Variants in TNFAIP8 observed in about 807,000 individuals in gnomAD.
TNFAIP8 encodes tumor necrosis factor alpha-induced protein 8.
A neutral mutation model predicts 13.3 loss-of-function variants in TNFAIP8; 7 were observed. The ratio of observed to expected loss-of-function variants is 0.52; its 90% confidence interval spans 0.30 to 0.99. The LOEUF is 0.99. Ranked by LOEUF, TNFAIP8 falls within the 50% of genes least tolerant of loss-of-function variation. The probability of loss-of-function intolerance (pLI) is 0.07; values close to 1 mark genes in which losing one functional copy is unlikely to be tolerated. For missense variants in TNFAIP8, 258 were observed against 236.9 expected, an observed-to-expected ratio of 1.09 and a Z score of -0.58; for synonymous variants, 94 against 87.6, an observed-to-expected ratio of 1.07 and a Z score of -0.41.
intron 1 of TNFAIP8, among the ~76,000 whole-genome samples, chr5:119,318,220 GTT>G (rs1749954991): frequency 6.7e-6 from 1 of 149,052 alleles, no homozygotes; most frequent in Non-Finnish European, 1.5e-5. Context: ...TTTTTTTTCA[GTT>G]TGTCCCTTTA....
chr5:119,282,749 G>A (rs369874148), intron 1 of TNFAIP8, among the ~76,000 whole-genome samples: 3 of 152,098 alleles, frequency 2.0e-5, no homozygotes, highest in African/African-American at 7.2e-5. Flanking sequence ...TGCATCAGTG[G>A]GTGCCAGGGA....
intron 1 of TNFAIP8, among the ~76,000 whole-genome samples, chr5:119,306,986 T>C (rs1183581872): frequency 1.1e-4 from 16 of 152,268 alleles, no homozygotes; most frequent in Admixed American, 1.0e-3. Flanking sequence ...TACTGTTTTT[T>C]GTGGACTCTT....
At chr5:119,381,921 C>G (rs1752500141) in intron 1 of TNFAIP8, among the ~76,000 whole-genome samples, 1 of 150,570 alleles carries the variant, frequency 6.6e-6, no homozygotes, top group Non-Finnish European at 1.5e-5. Flanking sequence ...GACTCCGTCT[C>G]AAAAAAAATA....
At chr5:119,303,855 C>T (rs758771270) in intron 1 of TNFAIP8, among the ~76,000 whole-genome samples, 4 of 152,130 alleles carry the variant, frequency 2.6e-5, no homozygotes, top group East Asian at 1.9e-4. Flanking sequence ...GAACCTTGTG[C>T]GATAGCTCCC....
intron 1 of TNFAIP8, among the ~76,000 whole-genome samples, chr5:119,311,391 A>G (rs1749722730): frequency 6.6e-6 from 1 of 151,936 alleles, no homozygotes; most frequent in Non-Finnish European, 1.5e-5. Flanking sequence ...TCAAATAAAT[A>G]TTAAAAACCC....
At chr5:119,309,302 C>T (rs964917791) in intron 1 of TNFAIP8, among the ~76,000 whole-genome samples, 1 of 152,162 alleles carries the variant, frequency 6.6e-6, no homozygotes, top group African/African-American at 2.4e-5. Flanking sequence ...TTGGAAGACA[C>T]TTACCATACT....
intron 1 of TNFAIP8, among the ~76,000 whole-genome samples, chr5:119,378,713 G>T (rs898465052): frequency 6.6e-6 from 1 of 152,196 alleles, no homozygotes; most frequent in Non-Finnish European, 1.5e-5. Flanking sequence ...TTGGCAAAGG[G>T]CAGGGAAGAA....
At chr5:119,314,167 C>A (rs1749813103) in intron 1 of TNFAIP8, among the ~76,000 whole-genome samples, 1 of 102,080 alleles carries the variant, frequency 9.8e-6, no homozygotes, top group South Asian at 4.3e-4. Flanking sequence ...GATGCTGTCT[C>A]TAAAAACAAA....
At position 119,356,096 on chromosome 5, in the gene TNFAIP8, C is replaced by G; in HGVS notation, c.6C>G (p.His2Gln). Residue 2 changes from histidine to glutamine, a missense_variant, in exon 1 of 2, where the codon CAC becomes CAG. Transcript: ENST00000504771. ...CAGCTGGTTATCCTGACATTATGCA[C>G]TCCGAAGCAGAAGAATCCAAGGAAG... MHSEAEESKEVA... is the reference protein window; with the variant it reads MQSEAEESKEVA... 1.3e-6 allele frequency: 2 copies of G among 1,587,732 alleles called. No individual in the cohort carries two copies. The highest frequency in any genetic ancestry group is 1.1e-5 in the South Asian group (1 of 87,802).
chr5:119,396,817 A>AC lies in TNFAIP8; in HGVS notation c.*3440dup, dbSNP rs1384354583. On this transcript the variant is annotated 3_prime_UTR_variant, in exon 2 of 2. Transcript: ENST00000504771. ...AGACCAGCCTGGCCAACGTGGTGAAACCCCACTGCTACTAAAAATACACAA... is the reference window on the plus strand; with the variant it reads ...AGACCAGCCTGGCCAACGTGGTGAAACCCCCACTGCTACTAAAAATACACAA... The AC allele has an allele frequency of 5.3e-5, 8 of 151,510 alleles. No homozygotes were observed. Among genetic ancestry groups the AC allele is most frequent in the Non-Finnish European group, 1.2e-4 (8 of 67,912 alleles). 9.4% of individuals were successfully genotyped at this position (151,510 alleles called of 1,614,324 possible). A position where few individuals can be genotyped will look rare whatever the true frequency, so the allele number is the denominator to read the frequency against.
intron 1 of TNFAIP8, among the ~76,000 whole-genome samples, chr5:119,299,430 T>C (rs1451429204): frequency 6.6e-6 from 1 of 152,184 alleles, no homozygotes; most frequent in Non-Finnish European, 1.5e-5. Flanking sequence ...TGGATTTTCG[T>C]GAACCGCGAA....
intron 1 of TNFAIP8, among the ~76,000 whole-genome samples, chr5:119,370,819 T>C (rs1163250443): frequency 2.0e-5 from 3 of 152,226 alleles, no homozygotes; most frequent in Non-Finnish European, 4.4e-5. Flanking sequence ...GCCTAACCCG[T>C]TGATACTTTA....
In TNFAIP8 at chr5:119,392,919, C is replaced by T. The variant is rs779735088; in HGVS notation, c.135C>T (p.Asp45=). ...SKSIATTLID[D]TSSEVLDELY... is the part of the protein sequence containing the mutation. ...CCATCGCCACCACCTTAATAGACGACACAAGTAGTGAGGTGCTGGATGAGC... is the reference window on the plus strand; with the variant it reads ...CCATCGCCACCACCTTAATAGACGATACAAGTAGTGAGGTGCTGGATGAGC... Residue 45 remains aspartate (D), a synonymous_variant, in exon 2 of 2, where the codon GAC becomes GAT. Coordinates refer to ENST00000504771, the MANE Select transcript of TNFAIP8 (RefSeq NM_014350.4). 3 of 1,603,990 alleles carry T rather than the reference C, an allele frequency of 1.9e-6. No individual in the cohort carries two copies. The East Asian group carries it at 6.8e-5, about 36-fold the overall frequency.
At chr5:119,305,581 G>C (rs1243439165) in intron 1 of TNFAIP8, among the ~76,000 whole-genome samples, 1 of 152,144 alleles carries the variant, frequency 6.6e-6, no homozygotes, top group Non-Finnish European at 1.5e-5. Context: ...CTGCAGCCTG[G>C]CAACACAGTG....
At chr5:119,331,844 T>A (rs991771278) in intron 1 of TNFAIP8, among the ~76,000 whole-genome samples, 11 of 152,218 alleles carry the variant, frequency 7.2e-5, no homozygotes, top group African/African-American at 2.4e-4. Flanking sequence ...GAGAGGCCTG[T>A]TCCACTGTTT....
intron 1 of TNFAIP8, among the ~76,000 whole-genome samples, chr5:119,386,188 T>G (rs1752663548): frequency 6.6e-6 from 1 of 152,220 alleles, no homozygotes; most frequent in African/African-American, 2.4e-5. Flanking sequence ...AAGGTATGTT[T>G]TTTAAGAGGA....
chr5:119,314,770 T>C (rs760267579), intron 1 of TNFAIP8, among the ~76,000 whole-genome samples: 1 of 152,252 alleles, frequency 6.6e-6, no homozygotes, highest in Non-Finnish European at 1.5e-5. Flanking sequence ...TTACTTTATC[T>C]ATAAAATGAG....
At chr5:119,317,595 A>AT (rs1749936499) in intron 1 of TNFAIP8, among the ~76,000 whole-genome samples, 1 of 148,626 alleles carries the variant, frequency 6.7e-6, no homozygotes, top group African/African-American at 2.5e-5. Flanking sequence ...AATAATAATA[A>AT]TAATTATTAT....
Position 119,348,092 on chromosome 5 carries a change from C to G in TNFAIP8, c.2-44724C>G, listed in dbSNP as rs952475140. ...ATACAGTCAAGTAGGGCCCCTTACT[C>G]AACCTGTCTTGGCATTGTTTTCTGC... On this transcript the variant is annotated intron_variant, in intron 1 of 1. Coordinates refer to the TNFAIP8 transcript ENST00000274456. Among the ~76,000 whole-genome samples, 4 of 152,330 alleles carry G rather than the reference C, an allele frequency of 2.6e-5. No homozygotes were observed. In the East Asian group the frequency reaches 7.7e-4, roughly 29 times the overall value.
Sources: gnomAD v4.1 joint callset for allele counts (sites outside exome capture counted in the v4.1 genomes callset) on GRCh38, gnomAD v4.1.1 for gene constraint, MANE v1.5 for transcripts, NCBI Gene and HGNC (gene_info 2026-07-23, HGNC 2026-07-21) for gene names.